Variants in SEC31A observed in about 807,000 individuals in gnomAD.
SEC31A encodes the protein protein transport protein Sec31A.
Under a neutral mutation model 151.0 loss-of-function variants are expected in SEC31A, and 70 were observed. The observed-to-expected ratio is 0.46, with a 90% CI of 0.38 to 0.57. The LOEUF (loss-of-function observed/expected upper bound fraction) is 0.57. Ranked by LOEUF, SEC31A falls within the 20% of genes least tolerant of loss-of-function variation. The probability of loss-of-function intolerance (pLI) is 0.00; values close to 1 mark genes in which losing one functional copy is unlikely to be tolerated. For missense variants in SEC31A, 1,330 were observed against 1,471.2 expected (o/e 0.90, Z 1.57); for synonymous variants, 475 against 505.9 (o/e 0.94, Z 0.82).
chr4:82,891,443 A>G (rs907231936), upstream of SEC31A, among the ~76,000 whole-genome samples: 3 of 152,202 alleles, frequency 2.0e-5, no homozygotes, highest in Non-Finnish European at 1.5e-5. Context: ...TAGTGGGTAA[A>G]GGACTAGTGC....
At position 82,861,693 on chromosome 4, in the gene SEC31A, C is replaced by T. The variant is rs1734150250; in HGVS notation, c.1564G>A (p.Asp522Asn). The change falls in exon 14 of 27, where the codon GAC becomes AAC. Residue 522 changes from aspartate (D) to asparagine (N), a missense_variant. Transcript: ENST00000395310. The stretch of plus-strand genomic sequence containing the variant: ...TCCCCATCACTCTGTGCTACTTGGT[C>T]AGAGTCTTTAAGAGCCTTTGGTACA... ...DGANVALKDS[D>N]QVAQSDGEES... is the part of the protein sequence containing the mutation. 6.2e-7 allele frequency: 1 copy of T among 1,609,696 alleles called. No homozygotes were observed. Among genetic ancestry groups the T allele is most frequent in the African/African-American group, 1.3e-5 (1 of 74,954 alleles).
At chr4:82,844,211 T>C (rs1296106722) in intron 21 of SEC31A, 175 bp downstream of exon 21, 9 of 599,218 alleles carry the variant, frequency 1.5e-5, no homozygotes, top group Non-Finnish European at 2.0e-5. Flanking sequence ...CTTCCTAGCA[T>C]AGTGATTCAG....
At chr4:82,855,915 A>G (rs1732529733) in intron 16 of SEC31A, among the ~76,000 whole-genome samples, 1 of 152,198 alleles carries the variant, frequency 6.6e-6, no homozygotes, top group South Asian at 2.1e-4. Flanking sequence ...TGTTAGATAT[A>G]ACAAACCTGC....
At chr4:82,844,835 A>T (rs540524717) in intron 20 of SEC31A, among the ~76,000 whole-genome samples, 1 of 152,260 alleles carries the variant, frequency 6.6e-6, no homozygotes, top group African/African-American at 2.4e-5. Flanking sequence ...CTCTGTAAAT[A>T]TAAGTATAAA....
intron 14 of SEC31A, among the ~76,000 whole-genome samples, chr4:82,858,675 T>C (rs371876523): frequency 6.6e-6 from 1 of 150,644 alleles, no homozygotes; most frequent in Admixed American, 6.6e-5. Context: ...GCTCAAAATA[T>C]GGAAAATATA....
intron 14 of SEC31A, among the ~76,000 whole-genome samples, chr4:82,861,122 T>C (rs1417965988): frequency 6.6e-6 from 1 of 151,324 alleles, no homozygotes; most frequent in Non-Finnish European, 1.5e-5. Flanking sequence ...GATGTAACTC[T>C]GTGTTCAAGG....
chr4:82,863,232 G>A (rs1401922216), intron 12 of SEC31A, 86 bp downstream of exon 12: 2 of 780,814 alleles, frequency 2.6e-6, no homozygotes, highest in East Asian at 5.7e-5. Flanking sequence ...TGTTTATTGG[G>A]TGATTTGAGA....
Position 82,880,792 on chromosome 4 carries a change from C to T in SEC31A, c.203+7G>A. 2 of 1,605,912 alleles carry T rather than the reference C, an allele frequency of 1.2e-6. No individual in the cohort carries two copies. Among genetic ancestry groups the T allele is most frequent in the Non-Finnish European group, 1.7e-6 (2 of 1,176,460 alleles). ...TAATCACATGAATTTAAAGCTGAAC[C>T]TCATACCTGTGAGAAGAGGAGAATG... is the stretch of plus-strand genomic sequence containing the variant. On this transcript the variant is annotated splice_region_variant and intron_variant, in intron 3 of 26. Transcript: ENST00000395310.
intron 19 of SEC31A, among the ~76,000 whole-genome samples, chr4:82,849,288 C>T (rs1197136762): frequency 1.3e-5 from 2 of 152,058 alleles, no homozygotes; most frequent in East Asian, 1.9e-4. Context: ...CTTGTGGTTA[C>T]CTAATGCTCA....
chr4:82,880,409 G>A (rs987424038), intron 3 of SEC31A, among the ~76,000 whole-genome samples: 1 of 151,690 alleles, frequency 6.6e-6, no homozygotes, highest in Non-Finnish European at 1.5e-5. Flanking sequence ...GGCCAACATG[G>A]CAAAACCCTG....
Position 82,879,454 on chromosome 4 carries a change from A to G in SEC31A, c.204-526T>C, listed in dbSNP as rs1038875588. ...AAGGAGTCATGTGAAATTTTCTAAG[A>G]AAAAGAATGTATTCTAATGGTAGAA... is the stretch of plus-strand genomic sequence containing the variant. On this transcript the variant is annotated intron_variant, in intron 3 of 26. Transcript: ENST00000395310. Among the ~76,000 whole-genome samples, 12 of 152,280 alleles carry G rather than the reference A, an allele frequency of 7.9e-5. No individual in the cohort carries two copies. The East Asian group carries it at 2.3e-3, about 29-fold the overall frequency.
At chr4:82,839,657 T>C (rs546653229) in intron 22 of SEC31A, among the ~76,000 whole-genome samples, 3 of 152,192 alleles carry the variant, frequency 2.0e-5, no homozygotes, top group Admixed American at 6.6e-5. Context: ...GATAAAGTTG[T>C]CAGTAGATTA....
intron 14 of SEC31A, 58 bp from the exon 15 acceptor site, chr4:82,857,822 G>T: frequency 9.0e-7 from 1 of 1,108,406 alleles, no homozygotes; most frequent in Non-Finnish European, 1.3e-6. Context: ...ATGATTTACT[G>T]ACAAAAAAAA....
intron 24 of SEC31A, among the ~76,000 whole-genome samples, chr4:82,826,346 T>A (rs1342736900): frequency 6.7e-6 from 1 of 149,980 alleles, no homozygotes; most frequent in African/African-American, 2.4e-5. Flanking sequence ...TCCTTAGGCA[T>A]ATTATCTCTT....
Position 82,874,722 on chromosome 4 carries a change from C to G in SEC31A, c.528G>C (p.Trp176Cys). 1 of 1,611,616 alleles carries G rather than the reference C, an allele frequency of 6.2e-7. No individual in the cohort carries two copies. The highest frequency in any genetic ancestry group is 8.5e-7 in the Non-Finnish European group (1 of 1,179,562). The change falls in exon 6 of 27, where the codon TGG (tryptophan) becomes TGC (cysteine). Residue 176 changes from tryptophan to cysteine, a missense_variant. Coordinates refer to ENST00000395310, the MANE Select transcript of SEC31A (RefSeq NM_001077207.4). ...CTAAAATATGCTGAACTTGTCTGTT[C>G]CATGCAATGCAGCTGATATCTTCTG... ...QPPEDISCIAWNRQVQHILAS... is the reference protein window; with the variant it reads ...QPPEDISCIACNRQVQHILAS...
upstream of SEC31A, chr4:82,891,158 C>T: frequency 1.3e-6 from 2 of 1,535,726 alleles, no homozygotes; most frequent in Non-Finnish European, 1.7e-6. Flanking sequence ...GCATTCGCCG[C>T]CGCCCCTCCT....
At chr4:82,869,360 G>A (rs1736132643) in intron 8 of SEC31A, among the ~76,000 whole-genome samples, 1 of 149,862 alleles carries the variant, frequency 6.7e-6, no homozygotes, top group African/African-American at 2.5e-5. Context: ...TCGATCTCCT[G>A]ACCTCGTGCT....
At chr4:82,840,618 C>T (rs556207437) in intron 22 of SEC31A, among the ~76,000 whole-genome samples, 3 of 152,216 alleles carry the variant, frequency 2.0e-5, no homozygotes, top group Admixed American at 6.5e-5. Context: ...ATTTCATCGT[C>T]GTGTGAACAT....
At chr4:82,862,459 CT>C in intron 13 of SEC31A, 74 bp downstream of exon 13, 1 of 1,093,862 alleles carries the variant, frequency 9.1e-7, no homozygotes, top group South Asian at 1.3e-5. Flanking sequence ...ACACAAATTT[CT>C]TAAATGATAT....
Sources: gnomAD v4.1 joint callset for allele counts (sites outside exome capture counted in the v4.1 genomes callset) on GRCh38, gnomAD v4.1.1 for gene constraint, MANE v1.5 for transcripts, NCBI Gene and HGNC (gene_info 2026-07-23, HGNC 2026-07-21) for gene names.